DACH2: variants seen among roughly 807,000 people sequenced by gnomAD.
DACH2 encodes dachshund homolog 2.
A neutral mutation model predicts 35.8 loss-of-function variants in DACH2; 17 were observed. The observed-to-expected ratio is 0.48, with a 90% confidence interval of 0.33 to 0.71. The LOEUF is 0.71. Among genes scored for constraint, DACH2 ranks in the 30% least tolerant of loss-of-function variants. The probability of loss-of-function intolerance (pLI) is 0.02; values close to 1 mark genes in which losing one functional copy is unlikely to be tolerated. For synonymous variants in DACH2, 195 were observed against 177.3 expected (o/e 1.10, Z -0.79); for missense variants, 469 against 472.7 (o/e 0.99, Z 0.07).
chrX:86,596,443 G>T (rs1414722631), intron 3 of DACH2, among the ~76,000 whole-genome samples: 1 of 111,212 alleles, frequency 9.0e-6, no homozygotes, highest in African/African-American at 3.3e-5. Context: ...TTGTGGTTTT[G>T]ATTTACTTTT....
At chrX:86,490,505 A>G (rs1602577166) in intron 2 of DACH2, among the ~76,000 whole-genome samples, 1 of 111,470 alleles carries the variant, frequency 9.0e-6, no homozygotes, top group Non-Finnish European at 1.9e-5. Context: ...GTCTGACTGT[A>G]TCTGAATAAT....
intron 11 of DACH2, among the ~76,000 whole-genome samples, chrX:86,820,463 CT>C (rs897644908): frequency 1.9e-3 from 198 of 105,480 alleles, no homozygotes; most frequent in African/African-American, 6.3e-3. Flanking sequence ...CCTACTAGAC[CT>C]TTTTTTTTTC....
intron 2 of DACH2, among the ~76,000 whole-genome samples, chrX:86,474,588 T>C: frequency 8.9e-6 from 1 of 112,155 alleles, no homozygotes; most frequent in Admixed American, 9.5e-5. Flanking sequence ...GGATATCCAG[T>C]TTTTCCAGCA....
In DACH2 at chrX:86,322,276, G is replaced by A. The variant is rs1310100824; in HGVS notation, c.489-54548G>A. On this transcript the variant is annotated intron_variant, in intron 1 of 11. Transcript: ENST00000373125. ...GATGTCGCCTTGTGCAAAAGAAAAT[G>A]AGCAGCTTTTTCTTTAGAGTTTTTG... 2.7e-5 allele frequency among the ~76,000 whole-genome samples: 3 copies of A among 111,429 alleles called. No homozygotes were observed. In the Admixed American group the frequency reaches 2.8e-4, roughly 11 times the overall value.
At chrX:86,459,133 T>A (rs1360489164) in intron 2 of DACH2, among the ~76,000 whole-genome samples, 1 of 112,051 alleles carries the variant, frequency 8.9e-6, no homozygotes, top group East Asian at 2.8e-4. Flanking sequence ...ACATTCTGAA[T>A]ATAAACATTT....
intron 3 of DACH2, among the ~76,000 whole-genome samples, chrX:86,542,896 A>G (rs1569434416): frequency 9.0e-6 from 1 of 111,728 alleles, no homozygotes; most frequent in Non-Finnish European, 1.9e-5. Flanking sequence ...CAGAAACACA[A>G]TACTCCAAAG....
chrX:86,711,528 C>T (rs2041280094), intron 5 of DACH2, among the ~76,000 whole-genome samples: 1 of 112,514 alleles, frequency 8.9e-6, no homozygotes, highest in Non-Finnish European at 1.9e-5. Context: ...TATTACCATG[C>T]TATTAAAAGG....
intron 2 of DACH2, among the ~76,000 whole-genome samples, chrX:86,388,492 C>T (rs1429712283): frequency 9.0e-6 from 1 of 111,543 alleles, no homozygotes; most frequent in Non-Finnish European, 1.9e-5. Context: ...CAGAGGTAAA[C>T]TTTTCAGTTT....
intron 3 of DACH2, 107 bp downstream of exon 3, chrX:86,514,498 TATTA>T: frequency 5.4e-6 from 4 of 741,419 alleles, no homozygotes; most frequent in African/African-American, 2.1e-5. Flanking sequence ...TTTCAAGCTC[TATTA>T]GAGGTTACAT....
intron 1 of DACH2, among the ~76,000 whole-genome samples, chrX:86,257,714 T>C (rs1340400259): frequency 4.4e-5 from 5 of 112,520 alleles, no homozygotes; most frequent in Non-Finnish European, 7.5e-5. Context: ...GGCCTACAAC[T>C]CTTGCTCTTA....
In DACH2 at chrX:86,203,592, A is replaced by T. The variant is rs952453582; in HGVS notation, c.488+54484A>T. On this transcript the variant is annotated intron_variant, in intron 1 of 11. Coordinates refer to ENST00000373125, the MANE Select transcript of DACH2 (RefSeq NM_053281.3). Reference sequence around the variant, plus strand: ...AAGCAACCGAATTGTTTATCAACAGATGAATAGATTTTAAAAATCTGGTAT... The same window carrying T: ...AAGCAACCGAATTGTTTATCAACAGTTGAATAGATTTTAAAAATCTGGTAT... Among the ~76,000 whole-genome samples, 9 of 112,096 alleles carry T rather than the reference A, an allele frequency of 8.0e-5. No homozygotes were observed. In the Admixed American group the frequency reaches 8.6e-4, roughly 11 times the overall value.
intron 7 of DACH2, among the ~76,000 whole-genome samples, chrX:86,740,961 G>A (rs1346054483): frequency 1.8e-5 from 2 of 111,312 alleles, no homozygotes; most frequent in Non-Finnish European, 3.8e-5. Flanking sequence ...TTCTCATTTA[G>A]TATATAGTAA....
chrX:86,624,051 A>C (rs2040102218), intron 3 of DACH2, among the ~76,000 whole-genome samples: 1 of 59,100 alleles, frequency 1.7e-5, no homozygotes, highest in African/African-American at 7.1e-5. Context: ...CCGTCTCAAA[A>C]AAACAAAACA....
In DACH2 at chrX:86,817,246, C is replaced by CT. The variant is rs746214944; in HGVS notation, c.1750+1153dup. Among the ~76,000 whole-genome samples the CT allele has an allele frequency of 5.4e-5, 6 of 111,488 alleles. No individual in the cohort carries two copies. In the East Asian group the frequency reaches 1.7e-3, roughly 31 times the overall value. On this transcript the variant is annotated intron_variant, in intron 11 of 11. Transcript: ENST00000373125. Reference sequence around the variant, plus strand: ...ATGAAGCTTTTGCTGGTTCTTATCCCTTTTTTGCTTGCCTACTTTATTCCC... The same window carrying CT: ...ATGAAGCTTTTGCTGGTTCTTATCCCTTTTTTTGCTTGCCTACTTTATTCCC...
intron 1 of DACH2, among the ~76,000 whole-genome samples, chrX:86,333,235 CT>C (rs1286951249): frequency 8.9e-6 from 1 of 111,801 alleles, no homozygotes; most frequent in Non-Finnish European, 1.9e-5. Flanking sequence ...TTTTTTGAAA[CT>C]TCAAATGAAA....
At chrX:86,420,086 C>A (rs1569391739) in intron 2 of DACH2, among the ~76,000 whole-genome samples, 2 of 111,746 alleles carry the variant, frequency 1.8e-5, no homozygotes, top group Non-Finnish European at 3.8e-5. Flanking sequence ...CAGTGAACAT[C>A]CCTACTCATA....
At chrX:86,638,015 A>G (rs1440258646) in intron 3 of DACH2, among the ~76,000 whole-genome samples, 1 of 109,120 alleles carries the variant, frequency 9.2e-6, no homozygotes, top group African/African-American at 3.3e-5. Context: ...CAAATTATAC[A>G]TCAGAGGTAC....
intron 7 of DACH2, among the ~76,000 whole-genome samples, chrX:86,753,155 C>T (rs777989535): frequency 1.1e-4 from 12 of 110,638 alleles, no homozygotes; most frequent in East Asian, 2.8e-4. Context: ...AAATACACTC[C>T]GGTTACTTCC....
At chrX:86,631,964 A>G (rs2040206294) in intron 3 of DACH2, among the ~76,000 whole-genome samples, 1 of 111,214 alleles carries the variant, frequency 9.0e-6, no homozygotes. Context: ...TTAAAAAAAC[A>G]ATTTCAGAAA....
Sources: allele counts gnomAD v4.1 joint callset (sites outside exome capture counted in the v4.1 genomes callset), GRCh38; gene constraint gnomAD v4.1.1; transcripts MANE v1.5; gene names NCBI Gene and HGNC (gene_info 2026-07-23, HGNC 2026-07-21).